PLD5: variants seen among roughly 807,000 people sequenced by gnomAD.
The protein encoded by PLD5 is inactive phospholipase D5.
In PLD5, 36 loss-of-function variants were observed where a neutral mutation model predicts 61.1. The ratio of observed to expected loss-of-function variants is 0.59; its 90% CI spans 0.45 to 0.78. The LOEUF (loss-of-function observed/expected upper bound fraction) is 0.78. PLD5 is among the 30% of genes least tolerant of loss of function. The pLI is 0.00. For synonymous variants in PLD5, 243 were observed against 242.8 expected, an observed-to-expected ratio of 1.00 and a Z score of -0.01; for missense variants, 515 against 644.4, an observed-to-expected ratio of 0.80 and a Z score of 2.17.
intron 5 of PLD5, among the ~76,000 whole-genome samples, chr1:242,198,746 ATTATT>A (rs1373713927): frequency 3.5e-5 from 5 of 144,226 alleles, no homozygotes; most frequent in African/African-American, 1.1e-4. Flanking sequence ...CATTATTATT[ATTATT>A]TTGAGATGGA....
chr1:242,147,664 G>A (rs557492059), intron 5 of PLD5: 1 of 114,854 alleles, frequency 8.7e-6, no homozygotes, highest in East Asian at 2.2e-4. Context: ...TTGTATACTT[G>A]CTGGAACTTG....
intron 5 of PLD5, among the ~76,000 whole-genome samples, chr1:242,161,629 G>A (rs182706011): frequency 4.9e-4 from 74 of 152,232 alleles, no homozygotes; most frequent in Non-Finnish European, 9.7e-4. Context: ...TGAGATGCTC[G>A]TGAACACTGC....
intron 5 of PLD5, among the ~76,000 whole-genome samples, chr1:242,149,728 T>C (rs1478268360): frequency 6.6e-6 from 1 of 151,570 alleles, no homozygotes; most frequent in Admixed American, 6.6e-5. Context: ...TGAAAAAATT[T>C]ATCTGTTTCA....
At chr1:242,154,500 A>G (rs554380593) in intron 5 of PLD5, among the ~76,000 whole-genome samples, 9 of 152,126 alleles carry the variant, frequency 5.9e-5, no homozygotes, top group Admixed American at 1.3e-4. Flanking sequence ...AGCTCTTATT[A>G]TTTTGAGATA....
At chr1:242,113,372 C>T (rs1301189694) in intron 7 of PLD5, among the ~76,000 whole-genome samples, 6 of 152,100 alleles carry the variant, frequency 3.9e-5, no homozygotes, top group African/African-American at 9.7e-5. Context: ...GGATTACAGG[C>T]GTGAGCCACC....
chr1:242,214,586 A>G (rs1670029084), intron 5 of PLD5, among the ~76,000 whole-genome samples: 4 of 152,128 alleles, frequency 2.6e-5, no homozygotes, highest in South Asian at 2.1e-4. Flanking sequence ...AATTGCATCA[A>G]TTTTTCCACC....
chr1:242,301,737 TC>T (rs1676046355), intron 2 of PLD5, among the ~76,000 whole-genome samples: 1 of 151,136 alleles, frequency 6.6e-6, no homozygotes, highest in Non-Finnish European at 1.5e-5. Context: ...TACAGACCCT[TC>T]CGTAGGTTTA....
intron 1 of PLD5, among the ~76,000 whole-genome samples, chr1:242,366,885 A>G (rs1661374450): frequency 6.6e-6 from 1 of 152,112 alleles, no homozygotes; most frequent in Non-Finnish European, 1.5e-5. Context: ...GTGTTTTACA[A>G]CCCTGGTTAT....
chr1:242,483,232 C>T (rs1005297855), intron 1 of PLD5, among the ~76,000 whole-genome samples: 2 of 152,202 alleles, frequency 1.3e-5, no homozygotes, highest in East Asian at 1.9e-4. Context: ...TGTAAATGGG[C>T]TAAATGCTCC....
chr1:242,258,992 A>G (rs1430989155), intron 4 of PLD5, among the ~76,000 whole-genome samples: 1 of 152,230 alleles, frequency 6.6e-6, no homozygotes, highest in Non-Finnish European at 1.5e-5. Context: ...TGTCTTAGTC[A>G]TCTTCCTCTC....
At chr1:242,459,247 C>T (rs991672470) in intron 1 of PLD5, among the ~76,000 whole-genome samples, 6 of 152,164 alleles carry the variant, frequency 3.9e-5, no homozygotes, top group African/African-American at 1.2e-4. Context: ...CAGTAAAACG[C>T]CATTTACAAG....
chr1:242,284,403 C>A (rs1180794323), intron 3 of PLD5, among the ~76,000 whole-genome samples: 1 of 151,918 alleles, frequency 6.6e-6, no homozygotes, highest in African/African-American at 2.4e-5. Context: ...TCCCAAAGTG[C>A]TGGTATTACA....
intron 8 of PLD5, among the ~76,000 whole-genome samples, chr1:242,103,836 A>G (rs1434748135): frequency 1.3e-5 from 2 of 152,262 alleles, no homozygotes; most frequent in Non-Finnish European, 2.9e-5. Flanking sequence ...CTCAGTTTAC[A>G]AAAACCAGTT....
chr1:242,274,790 G>C (rs1287621639), intron 3 of PLD5, among the ~76,000 whole-genome samples: 2 of 152,032 alleles, frequency 1.3e-5, no homozygotes, highest in Non-Finnish European at 2.9e-5. Flanking sequence ...ATGGCCAACA[G>C]ACATAGGGAG....
chr1:242,260,858 T>C (rs979804425), intron 4 of PLD5, among the ~76,000 whole-genome samples: 4 of 152,180 alleles, frequency 2.6e-5, no homozygotes, highest in African/African-American at 9.7e-5. Context: ...AAAACTAATT[T>C]AGAAATTTAT....
intron 1 of PLD5, among the ~76,000 whole-genome samples, chr1:242,350,434 TACACACACACACACACACACACAC>T (rs57955584): frequency 3.4e-5 from 5 of 145,306 alleles, no homozygotes. Context: ...TATACACACG[TACACACACACACACACACACACAC>T]ACACACACAC....
chr1:242,451,463 T>C lies in PLD5; in HGVS notation c.189+72625A>G, dbSNP rs1666775305. On this transcript the variant is annotated intron_variant, in intron 1 of 9. Coordinates refer to ENST00000536534, the MANE Select transcript of PLD5 (RefSeq NM_001372062.1). The stretch of plus-strand genomic sequence containing the variant: ...ATGTTATTCCTGTATCAAATTCTTT[T>C]TTTTTTTTTTTTTTTGAGAGGAGTG... Among the ~76,000 whole-genome samples, 3 of 148,736 alleles carry C rather than the reference T, an allele frequency of 2.0e-5. No individual in the cohort carries two copies. The South Asian group carries it at 6.5e-4, about 32-fold the overall frequency.
intron 5 of PLD5, among the ~76,000 whole-genome samples, chr1:242,192,560 G>C (rs1230888224): frequency 6.6e-6 from 1 of 151,828 alleles, no homozygotes; most frequent in African/African-American, 2.4e-5. Flanking sequence ...AGCATGTTTG[G>C]GAAAAAAAAC....
intron 1 of PLD5, among the ~76,000 whole-genome samples, chr1:242,493,637 T>C (rs1271644736): frequency 1.3e-5 from 2 of 152,062 alleles, no homozygotes; most frequent in African/African-American, 4.8e-5. Flanking sequence ...CGGGCTTGTC[T>C]AGAAAGCAGC....
Sources: gnomAD v4.1 joint callset for allele counts (sites outside exome capture counted in the v4.1 genomes callset) on GRCh38, gnomAD v4.1.1 for gene constraint, MANE v1.5 for transcripts, NCBI Gene and HGNC (gene_info 2026-07-23, HGNC 2026-07-21) for gene names.